ATP8A2: variants seen among roughly 807,000 people sequenced by gnomAD.
ATP8A2 encodes the protein phospholipid-transporting ATPase IB.
A neutral mutation model predicts 165.6 loss-of-function variants in ATP8A2; 100 were observed. The ratio of observed to expected loss-of-function variants is 0.60; its 90% CI spans 0.51 to 0.71. ATP8A2 has a LOEUF of 0.71. Ranked by LOEUF, ATP8A2 falls within the 30% of genes least tolerant of loss-of-function variation. The pLI is 0.00. For missense variants in ATP8A2, 1,227 were observed against 1,479.5 expected, an observed-to-expected ratio of 0.83 and a Z score of 2.80; for synonymous variants, 543 against 548.8, an observed-to-expected ratio of 0.99 and a Z score of 0.15.
chr13:25,535,903 C>G (rs770250446), intron 6 of ATP8A2, among the ~76,000 whole-genome samples: 17 of 151,530 alleles, frequency 1.1e-4, no homozygotes, highest in Non-Finnish European at 2.2e-4. Context: ...CTTCTTAGTA[C>G]TTGGTTACTG....
At chr13:25,776,184 G>A (rs114916247) in intron 27 of ATP8A2, among the ~76,000 whole-genome samples, 4,976 of 152,294 alleles carry the variant, frequency 0.033, 101 homozygotes, top group South Asian at 0.07. Context: ...CAGCCTATTC[G>A]CCAAGACGTG....
Position 25,635,539 on chromosome 13 carries a change from G to A in ATP8A2, c.2211+45840G>A, listed in dbSNP as rs79879174. Among the ~76,000 whole-genome samples the A allele has an allele frequency of 0.017, 2,615 of 152,218 alleles. 192 individuals are homozygous for A. The East Asian group carries it at 0.24, about 14-fold the overall frequency. ...CCTGCCAGGAAACCTGTTTAAATCC[G>A]TTTATTGCAGGATTTTCCAAACTCA... is the stretch of plus-strand genomic sequence containing the variant. On this transcript the variant is annotated intron_variant, in intron 24 of 36. Transcript: ENST00000381655.
In ATP8A2 at chr13:25,372,196, C is replaced by A. The variant is rs1412147241; in HGVS notation, c.-17C>A. 2.1e-6 allele frequency: 3 copies of A among 1,423,120 alleles called. No individual in the cohort carries two copies. The highest frequency in any genetic ancestry group is 3.1e-5 in the East Asian group (1 of 31,746). 88.2% of individuals were successfully genotyped at this position (1,423,120 alleles called of 1,614,324 possible). A position where few individuals can be genotyped will look rare whatever the true frequency, so the allele number is the denominator to read the frequency against. On this transcript the variant is annotated 5_prime_UTR_variant, in exon 1 of 37. Transcript: ENST00000381655. The surrounding 1 kb of genome is among the most constrained non-coding windows in gnomAD (Gnocchi z 4.8). ...CCGTCTCTCGCCCGGGGCCGCCGAG[C>A]CCCCGACACGGGCGAGATGCTGAAC...
chr13:25,578,668 C>T (rs1351684296), intron 20 of ATP8A2, 147 bp from the exon 21 acceptor site: 13 of 675,378 alleles, frequency 1.9e-5, no homozygotes, highest in South Asian at 1.8e-4. Flanking sequence ...AAAGCTCATG[C>T]CTGAGCCCAG....
intron 2 of ATP8A2, among the ~76,000 whole-genome samples, chr13:25,490,146 A>AGC (rs2036478498): frequency 1.3e-5 from 2 of 152,168 alleles, no homozygotes; most frequent in African/African-American, 4.8e-5. Flanking sequence ...ATGTTGAATG[A>AGC]TCCATTTCCA....
At chr13:25,908,858 T>A (rs2138983929) in intron 33 of ATP8A2, among the ~76,000 whole-genome samples, 1 of 152,206 alleles carries the variant, frequency 6.6e-6, no homozygotes, top group East Asian at 1.9e-4. Flanking sequence ...GTCGATCTAG[T>A]GATTGTGAAT....
chr13:25,557,586 A>ATGTAG (rs1186045073), intron 13 of ATP8A2, among the ~76,000 whole-genome samples: 1 of 152,156 alleles, frequency 6.6e-6, no homozygotes, highest in Non-Finnish European at 1.5e-5. Context: ...GGTATGAGTG[A>ATGTAG]TGTAGTGTCC....
intron 24 of ATP8A2, among the ~76,000 whole-genome samples, chr13:25,590,043 T>C (rs925038956): frequency 6.6e-6 from 1 of 152,248 alleles, no homozygotes; most frequent in African/African-American, 2.4e-5. Context: ...TTAATTTCAC[T>C]ATAAGTTACT....
intron 33 of ATP8A2, among the ~76,000 whole-genome samples, chr13:25,889,333 G>A (rs1394804800): frequency 6.7e-6 from 1 of 148,358 alleles, no homozygotes; most frequent in African/African-American, 2.5e-5. Flanking sequence ...TGAAAGGATT[G>A]AAAATCCCCT....
intron 27 of ATP8A2, among the ~76,000 whole-genome samples, chr13:25,790,693 C>CAAAA: frequency 1.1e-5 from 1 of 92,664 alleles, no homozygotes; most frequent in South Asian, 3.6e-4. Flanking sequence ...GACCTTGTCT[C>CAAAA]AAAAAAAAAA....
intron 25 of ATP8A2, among the ~76,000 whole-genome samples, chr13:25,736,762 C>T (rs2043779028): frequency 6.6e-6 from 1 of 152,094 alleles, no homozygotes; most frequent in South Asian, 2.1e-4. Context: ...GTTTTTTGAT[C>T]CCTGGTCTAG....
At chr13:25,402,385 T>A (rs1015015693) in intron 1 of ATP8A2, among the ~76,000 whole-genome samples, 1 of 152,208 alleles carries the variant, frequency 6.6e-6, no homozygotes, top group African/African-American at 2.4e-5. Context: ...ACAGGCTTCA[T>A]GGACACTTGG....
intron 33 of ATP8A2, among the ~76,000 whole-genome samples, chr13:25,913,215 G>A (rs948344144): frequency 6.6e-6 from 1 of 152,144 alleles, no homozygotes; most frequent in Non-Finnish European, 1.5e-5. Flanking sequence ...ACTGACTGCT[G>A]TTTGACTCTG....
chr13:25,512,762 G>A (rs1238127452), intron 2 of ATP8A2, among the ~76,000 whole-genome samples: 3 of 146,328 alleles, frequency 2.1e-5, no homozygotes, highest in Admixed American at 6.7e-5. Context: ...CTCCCGGATG[G>A]GGCGGCTGGC....
chr13:25,979,441 G>A (rs1956134525), intron 35 of ATP8A2, among the ~76,000 whole-genome samples: 1 of 152,224 alleles, frequency 6.6e-6, no homozygotes, highest in Non-Finnish European at 1.5e-5. Flanking sequence ...TAGTGATTCA[G>A]TGAGTCCCAG....
intron 23 of ATP8A2, among the ~76,000 whole-genome samples, chr13:25,589,018 T>C (rs992234934): frequency 6.6e-6 from 1 of 152,078 alleles, no homozygotes; most frequent in Non-Finnish European, 1.5e-5. Flanking sequence ...GAGAAAATAC[T>C]ATCTCGCTTA....
chr13:25,454,573 A>G lies in ATP8A2; in HGVS notation c.77-14404A>G, dbSNP rs138947007. 7.3e-3 allele frequency among the ~76,000 whole-genome samples: 1,106 copies of G among 152,254 alleles called. 14 individuals carry two copies. The highest frequency in any genetic ancestry group is 0.025 in the African/African-American group (1,051 of 41,560). ...GGTCTCAGACCGCACTGCCCATCCG[A>G]TGGGACCCTCTCATACTGGGTTGGC... On this transcript the variant is annotated intron_variant, in intron 1 of 36. Coordinates refer to ENST00000381655, the MANE Select transcript of ATP8A2 (RefSeq NM_016529.6).
chr13:25,872,986 T>G (rs1311687083), intron 33 of ATP8A2, among the ~76,000 whole-genome samples: 1 of 152,124 alleles, frequency 6.6e-6, no homozygotes, highest in Non-Finnish European at 1.5e-5. Context: ...GTATTTCAAG[T>G]ACTCAGTAGC....
At chr13:25,570,684 T>G in intron 16 of ATP8A2, 83 bp from the exon 17 acceptor site, 1 of 1,052,802 alleles carries the variant, frequency 9.5e-7, no homozygotes, top group Non-Finnish European at 1.5e-6. Context: ...GATGACTGGA[T>G]GTTAGTTGGG....
Sources: allele counts gnomAD v4.1 joint callset (sites outside exome capture counted in the v4.1 genomes callset), GRCh38; gene constraint gnomAD v4.1.1; non-coding constraint Gnocchi (gnomAD v3.1); transcripts MANE v1.5; gene names NCBI Gene and HGNC (gene_info 2026-07-23, HGNC 2026-07-21).